The following MYO18B variants were observed in gnomAD, a reference collection of about 807,000 sequenced individuals.
The protein encoded by MYO18B is myosin XVIIIB, also known as unconventional myosin-XVIIIb.
In MYO18B, 204 loss-of-function variants were observed where a neutral mutation model predicts 273.0. The observed-to-expected ratio is 0.75, with a 90% confidence interval of 0.67 to 0.84. The LOEUF (loss-of-function observed/expected upper bound fraction) is 0.84, where lower values mean the gene tolerates loss of function less well. Ranked by LOEUF, MYO18B falls within the 40% of genes least tolerant of loss-of-function variation. The probability of loss-of-function intolerance (pLI) is 0.00; values close to 1 mark genes in which losing one functional copy is unlikely to be tolerated. For missense variants in MYO18B, 3,212 were observed against 3,287.6 expected, an observed-to-expected ratio of 0.98 and a Z score of 0.56; for synonymous variants, 1,330 against 1,305.7, an observed-to-expected ratio of 1.02 and a Z score of -0.40.
chr22:25,982,171 T>A (rs1198507703), intron 39 of MYO18B, among the ~76,000 whole-genome samples: 1 of 152,172 alleles, frequency 6.6e-6, no homozygotes, highest in African/African-American at 2.4e-5. Flanking sequence ...GGCCGGCCCC[T>A]CTTCCAACAC....
At chr22:25,846,622 C>T (rs945533024) in intron 19 of MYO18B, among the ~76,000 whole-genome samples, 1 of 152,210 alleles carries the variant, frequency 6.6e-6, no homozygotes, top group Non-Finnish European at 1.5e-5. Context: ...CTGCCTTGCT[C>T]ACCACTAGGT....
intron 21 of MYO18B, among the ~76,000 whole-genome samples, chr22:25,864,638 C>T (rs957280181): frequency 6.6e-6 from 1 of 152,192 alleles, no homozygotes; most frequent in Non-Finnish European, 1.5e-5. Flanking sequence ...TTCCTAAACA[C>T]GTGAGCTTTG....
Position 26,030,863 on chromosome 22 carries a change from C to A in MYO18B, c.*433C>A. On this transcript the variant is annotated 3_prime_UTR_variant, in exon 44 of 44. Transcript: ENST00000335473. ...CTCCAGGAAGTCTTTCCTGATATATCAAACTGAAACAAATGCTCCTCCTCC... is the reference window on the plus strand; with the variant it reads ...CTCCAGGAAGTCTTTCCTGATATATAAAACTGAAACAAATGCTCCTCCTCC... 5.0e-6 allele frequency: 2 copies of A among 398,536 alleles called. No individual in the cohort carries two copies. Among genetic ancestry groups the A allele is most frequent in the South Asian group, 2.6e-4 (2 of 7,826 alleles). 24.7% of individuals were successfully genotyped at this position (398,536 alleles called of 1,614,324 possible).
At chr22:25,990,404 G>T (rs544012302) in intron 39 of MYO18B, among the ~76,000 whole-genome samples, 2 of 152,138 alleles carry the variant, frequency 1.3e-5, no homozygotes, top group African/African-American at 4.8e-5. Flanking sequence ...AGAAAAATGA[G>T]GCCGGGTGCA....
intron 25 of MYO18B, among the ~76,000 whole-genome samples, chr22:25,887,288 G>T (rs66507522): frequency 0.013 from 1,984 of 152,222 alleles, 17 homozygotes; most frequent in East Asian, 0.033. Context: ...AACAGTGACG[G>T]TCCCAAGGAC....
rs200820343 is a variant in MYO18B, at chr22:25,821,804, CA to C, written c.2522-1693del. On this transcript the variant is annotated intron_variant, in intron 12 of 43. Transcript: ENST00000335473. The stretch of plus-strand genomic sequence containing the variant: ...ACAAAACAGAACAAAACAAAACAAA[CA>C]AAAAAAAGAAGTCATTTATTTTTCT... Among the ~76,000 whole-genome samples the C allele has an allele frequency of 1.2e-3, 182 of 151,358 alleles. 1 individual carries two copies. Among genetic ancestry groups the C allele is most frequent in the African/African-American group, 4.3e-3 (176 of 41,304 alleles).
intron 17 of MYO18B, among the ~76,000 whole-genome samples, chr22:25,839,669 T>C (rs983736038): frequency 6.6e-6 from 1 of 152,160 alleles, no homozygotes. Flanking sequence ...GTCGGACTTG[T>C]GACTTTCCGG....
chr22:26,014,718 C>T (rs1388423261), intron 42 of MYO18B, among the ~76,000 whole-genome samples: 1 of 152,194 alleles, frequency 6.6e-6, no homozygotes, highest in Non-Finnish European at 1.5e-5. Flanking sequence ...ACCTCACCAG[C>T]ACCTGTCTTT....
chr22:25,933,350 C>T (rs913935725), intron 34 of MYO18B, among the ~76,000 whole-genome samples: 3 of 152,182 alleles, frequency 2.0e-5, no homozygotes, highest in African/African-American at 7.2e-5. Flanking sequence ...TGGCCCCACC[C>T]TCCACCTGGC....
chr22:25,829,115 GCTCC>G, intron 15 of MYO18B, 147 bp downstream of exon 15: 3 of 929,600 alleles, frequency 3.2e-6, no homozygotes, highest in Non-Finnish European at 4.7e-6. Context: ...CCCAGGCCTG[GCTCC>G]CCAGACCTCT....
intron 17 of MYO18B, among the ~76,000 whole-genome samples, chr22:25,840,291 G>A (rs527401120): frequency 1.3e-5 from 2 of 152,218 alleles, no homozygotes; most frequent in Non-Finnish European, 2.9e-5. Context: ...TTCAAACATA[G>A]CATGCACATT....
Position 25,818,280 on chromosome 22 carries a change from C to G in MYO18B, c.2522-5225C>G, listed in dbSNP as rs186277210. Among the ~76,000 whole-genome samples, 323 of 152,342 alleles carry G rather than the reference C, an allele frequency of 2.1e-3. 3 individuals are homozygous for G. The highest frequency in any genetic ancestry group is 2.5e-3 in the Non-Finnish European group (168 of 68,036). ...TCTCTCTGCCTCTCCCTCTTTGTGTCTCTCTGCCTCTCTCACTTTGGTTTT... is the reference window on the plus strand; with the variant it reads ...TCTCTCTGCCTCTCCCTCTTTGTGTGTCTCTGCCTCTCTCACTTTGGTTTT... On this transcript the variant is annotated intron_variant, in intron 12 of 43. Transcript: ENST00000335473.
chr22:26,057,389 T>C, the MYO18B span, among the ~76,000 whole-genome samples: 1 of 152,176 alleles, frequency 6.6e-6, no homozygotes, highest in Non-Finnish European at 1.5e-5. Context: ...GGATTTACAA[T>C]GCTTATCTTA....
chr22:25,831,889 T>G (rs936138759), intron 15 of MYO18B, among the ~76,000 whole-genome samples: 1 of 152,168 alleles, frequency 6.6e-6, no homozygotes, highest in Non-Finnish European at 1.5e-5. Context: ...ATTTACAATC[T>G]TTCTTCCTAC....
chr22:25,956,549 A>G lies in MYO18B; in HGVS notation c.6156+1185A>G, dbSNP rs1361930757. 2.0e-5 allele frequency among the ~76,000 whole-genome samples: 3 copies of G among 152,108 alleles called. No individual in the cohort carries two copies. In the East Asian group the frequency reaches 5.8e-4, roughly 29 times the overall value. The stretch of plus-strand genomic sequence containing the variant: ...CATTTTAAAATTTGTTTCTTGCCTA[A>G]TGGGAAGGTTTCTCCATCATTCAGT... On this transcript the variant is annotated intron_variant, in intron 39 of 43. Transcript: ENST00000335473.
intron 13 of MYO18B, among the ~76,000 whole-genome samples, chr22:25,826,105 C>T (rs1022178631): frequency 7.2e-5 from 11 of 152,100 alleles, no homozygotes; most frequent in African/African-American, 2.7e-4. Context: ...TGGGAATTGG[C>T]CTAGTGGTGG....
intron 17 of MYO18B, among the ~76,000 whole-genome samples, chr22:25,836,695 T>G (rs941281592): frequency 6.6e-6 from 1 of 152,082 alleles, no homozygotes; most frequent in Non-Finnish European, 1.5e-5. Flanking sequence ...GCGCAGTGGC[T>G]CACGCCTGTA....
At chr22:26,039,391 T>C in the MYO18B span, among the ~76,000 whole-genome samples, 1 of 152,198 alleles carries the variant, frequency 6.6e-6, no homozygotes, top group South Asian at 2.1e-4. Flanking sequence ...AACACTCATT[T>C]ATTCATTCAT....
At chr22:25,837,124 T>C (rs2089928838) in intron 17 of MYO18B, among the ~76,000 whole-genome samples, 1 of 152,158 alleles carries the variant, frequency 6.6e-6, no homozygotes, top group African/African-American at 2.4e-5. Flanking sequence ...GCACCTAATA[T>C]GTGGCAGCCA....
Sources: allele counts gnomAD v4.1 joint callset (sites outside exome capture counted in the v4.1 genomes callset), GRCh38; gene constraint gnomAD v4.1.1; transcripts MANE v1.5; gene names NCBI Gene and HGNC (gene_info 2026-07-23, HGNC 2026-07-21).